The following PARP9 variants were observed in gnomAD, a reference collection of about 807,000 sequenced individuals.
The protein encoded by PARP9 is poly(ADP-ribose) polymerase family member 9, also known as protein mono-ADP-ribosyltransferase PARP9.
Under a neutral mutation model 68.8 loss-of-function variants are expected in PARP9, and 48 were observed. The ratio of observed to expected loss-of-function variants is 0.70; its 90% CI spans 0.55 to 0.89. The LOEUF is 0.89. Ranked by LOEUF, PARP9 falls within the 40% of genes least tolerant of loss-of-function variation. The pLI is 0.00. For synonymous variants in PARP9, 309 were observed against 333.8 expected, an observed-to-expected ratio of 0.93 and a Z score of 0.81; for missense variants, 806 against 969.3, an observed-to-expected ratio of 0.83 and a Z score of 2.24.
rs116434271 is a variant in PARP9, at chr3:122,559,765, G to A, written c.-89-56C>T. 4.5e-4 allele frequency: 314 copies of A among 696,110 alleles called. 1 individual carries two copies. In the African/African-American group the frequency reaches 4.6e-3, roughly 10 times the overall value. The allele number at this position is 696,110 out of a possible 1,614,324, so 43.1% of individuals were successfully genotyped here. On this transcript the variant is annotated intron_variant, in intron 1 of 10. Coordinates refer to ENST00000682323, the MANE Select transcript of PARP9 (RefSeq NM_001146105.2). Reference sequence around the variant, plus strand: ...CATTAGCCAGAATCTTAGGAAATTCGGTAAGAATATACTGTAGGAGGACTG... The same window carrying A: ...CATTAGCCAGAATCTTAGGAAATTCAGTAAGAATATACTGTAGGAGGACTG...
chr3:122,533,779 G>C, intron 10 of PARP9: 1 of 985,402 alleles, frequency 1.0e-6, no homozygotes, highest in South Asian at 4.7e-5. Flanking sequence ...GAACTGGTTG[G>C]AATGCAAACA....
chr3:122,564,310 A>T, upstream of PARP9: 1 of 1,247,590 alleles, frequency 8.0e-7, no homozygotes, highest in Non-Finnish European at 1.1e-6. Context: ...TGCCGGGAAC[A>T]GGGAGGGACC....
At position 122,559,645 on chromosome 3, in the gene PARP9, T is replaced by C. The variant is rs1159417576; in HGVS notation, c.-25A>G. The stretch of plus-strand genomic sequence containing the variant: ...TCCTCCAGGTCCCCGGGGGAGTCTT[T>C]AAATGTTTATTCCCTTTTGCGCTTC... On this transcript the variant is annotated 5_prime_UTR_variant, in exon 2 of 11. Transcript: ENST00000682323. The C allele has an allele frequency of 6.3e-7, 1 of 1,584,056 alleles. No homozygotes were observed. The highest frequency in any genetic ancestry group is 2.3e-5 in the East Asian group (1 of 44,286).
chr3:122,549,990 C>A (rs1232754537), intron 6 of PARP9, among the ~76,000 whole-genome samples: 1 of 152,148 alleles, frequency 6.6e-6, no homozygotes. Context: ...AGGTTGCTTA[C>A]CTTTAAGGAG....
chr3:122,564,489 A>C (rs749569376), upstream of PARP9: 1 of 1,612,750 alleles, frequency 6.2e-7, no homozygotes, highest in Admixed American at 1.7e-5. Context: ...CCGGCCCCCG[A>C]GTACGAAGGA....
rs114569472 is a variant in PARP9 at position 122,528,228 on chromosome 3, G to A, written c.*136C>T. 2.3e-5 allele frequency: 27 copies of A among 1,166,722 alleles called. No individual in the cohort carries two copies. The highest frequency in any genetic ancestry group is 1.5e-5 in the African/African-American group (1 of 64,940). The allele number at this position is 1,166,722 out of a possible 1,614,324, so 72.3% of individuals were successfully genotyped here. A position where few individuals can be genotyped will look rare whatever the true frequency, so the allele number is the denominator to read the frequency against. On this transcript the variant is annotated 3_prime_UTR_variant, in exon 11 of 11. Transcript: ENST00000682323. Reference sequence around the variant, plus strand: ...GCACTAAGATGCTAGTATGTGGCTAGTCCTTTCAATAACCCAGTCAGTCCA... The same window carrying A: ...GCACTAAGATGCTAGTATGTGGCTAATCCTTTCAATAACCCAGTCAGTCCA...
In PARP9 at chr3:122,535,923, T is replaced by C; in HGVS notation, c.2080+245A>G. ...CATAAAGGAGAAAAACAGTGAACCG[T>C]AGTTCTTACTGCTCACACTTTTCAT... On this transcript the variant is annotated intron_variant, in intron 10 of 10. Transcript: ENST00000682323. 3.6e-6 allele frequency: 5 copies of C among 1,396,534 alleles called. No homozygotes were observed. The Middle Eastern group carries it at 8.0e-4, about 225-fold the overall frequency. The allele number at this position is 1,396,534 out of a possible 1,614,324, so 86.5% of individuals were successfully genotyped here.
Position 122,547,701 on chromosome 3 carries a change from G to A in PARP9, c.1327-2212C>T, listed in dbSNP as rs571520097. On this transcript the variant is annotated intron_variant, in intron 6 of 10. Transcript: ENST00000682323. ...GACCCCACTTCCACAAAAAATAAAA[G>A]TATTAGCCAGGCATGGTGGCGCATG... is the stretch of plus-strand genomic sequence containing the variant. 6.6e-5 allele frequency among the ~76,000 whole-genome samples: 10 copies of A among 151,918 alleles called. No individual in the cohort carries two copies. The East Asian group carries it at 1.8e-3, about 27-fold the overall frequency.
chr3:122,540,922 G>C (rs1435234824), intron 7 of PARP9, 70 bp from the exon 8 acceptor site: 27 of 1,469,366 alleles, frequency 1.8e-5, no homozygotes, highest in Middle Eastern at 1.8e-4. Flanking sequence ...ATGGAGTCTC[G>C]CTCTGTCTCA....
At chr3:122,550,961 A>C (rs1380598640) in intron 5 of PARP9, among the ~76,000 whole-genome samples, 159 bp from the exon 6 acceptor site, 1 of 152,156 alleles carries the variant, frequency 6.6e-6, no homozygotes, top group African/African-American at 2.4e-5. Context: ...CTCCAGAGGG[A>C]ACCCATTATG....
At chr3:122,550,226 T>C (rs1271788490) in intron 6 of PARP9, among the ~76,000 whole-genome samples, 2 of 152,136 alleles carry the variant, frequency 1.3e-5, no homozygotes, top group African/African-American at 4.8e-5. Flanking sequence ...ATTAAAGGCA[T>C]GTGCCACCAC....
At chr3:122,544,049 T>A (rs73192112) in intron 7 of PARP9, among the ~76,000 whole-genome samples, 21,711 of 152,254 alleles carry the variant, frequency 0.14, 1,627 homozygotes, top group Middle Eastern at 0.3. Flanking sequence ...TGTTCCTTTT[T>A]TATGTTATCC....
intron 10 of PARP9, chr3:122,535,013 G>A (rs886647422): frequency 1.1e-5 from 11 of 978,246 alleles, no homozygotes; most frequent in Admixed American, 6.2e-5. Context: ...GTGTATAGAT[G>A]TTGGGTAGGC....
chr3:122,562,592 AG>A (rs1406773807), intron 1 of PARP9, among the ~76,000 whole-genome samples: 1 of 152,198 alleles, frequency 6.6e-6, no homozygotes, highest in African/African-American at 2.4e-5. Context: ...AAAATGTAAA[AG>A]GTTTCCTCCT....
In PARP9 at chr3:122,538,945, A is replaced by C. The variant is rs535211829; in HGVS notation, c.1765+1527T>G. Among the ~76,000 whole-genome samples, 497 of 152,114 alleles carry C rather than the reference A, an allele frequency of 3.3e-3. 3 individuals carry two copies. The highest frequency in any genetic ancestry group is 0.011 in the African/African-American group (444 of 41,496). Reference sequence around the variant, plus strand: ...GCTCACTCTAATCATTTATTCCTGCATTATTTTTACAAACACATGGTGAAA... The same window carrying C: ...GCTCACTCTAATCATTTATTCCTGCCTTATTTTTACAAACACATGGTGAAA... On this transcript the variant is annotated intron_variant, in intron 8 of 10. Transcript: ENST00000682323.
intron 4 of PARP9, among the ~76,000 whole-genome samples, chr3:122,553,543 T>A (rs1444390335): frequency 6.6e-6 from 1 of 152,232 alleles, no homozygotes; most frequent in Non-Finnish European, 1.5e-5. Context: ...AAAATTCAGT[T>A]AAAGGGATAA....
In PARP9 at chr3:122,528,697, G is replaced by A; in HGVS notation, c.2127C>T (p.Asn709=). The A allele has an allele frequency of 6.2e-7, 1 of 1,613,814 alleles. No homozygotes were observed. Among genetic ancestry groups the A allele is most frequent in the Non-Finnish European group, 8.5e-7 (1 of 1,179,780 alleles). The change falls in exon 11 of 11, where the codon AAC becomes AAT. Residue 709 remains asparagine, a synonymous_variant. Coordinates refer to ENST00000682323, the MANE Select transcript of PARP9 (RefSeq NM_001146105.2). ...AGATTTTCTTGGCCTTCTCTGCCAG[G>A]TTTTTGAGGTTCTTGGTGAAGTATA... ...AGIYFTKNLK[N]LAEKAKKISA...
chr3:122,559,277 T>C (rs1241384184), intron 2 of PARP9, among the ~76,000 whole-genome samples: 2 of 152,230 alleles, frequency 1.3e-5, no homozygotes, highest in South Asian at 2.1e-4. Context: ...AGTAAGTGAC[T>C]TCTAATCTGA....
intron 6 of PARP9, among the ~76,000 whole-genome samples, chr3:122,548,118 G>A (rs1351958277): frequency 6.6e-6 from 1 of 152,202 alleles, no homozygotes; most frequent in African/African-American, 2.4e-5. Flanking sequence ...TCTGTTTTCA[G>A]TGATGTCATA....
Sources: gnomAD v4.1 joint callset for allele counts (sites outside exome capture counted in the v4.1 genomes callset) on GRCh38, gnomAD v4.1.1 for gene constraint, MANE v1.5 for transcripts, NCBI Gene and HGNC (gene_info 2026-07-23, HGNC 2026-07-21) for gene names.